PARP8: variants seen among roughly 807,000 people sequenced by gnomAD.
PARP8 encodes the protein poly(ADP-ribose) polymerase family member 8, also known as protein mono-ADP-ribosyltransferase PARP8.
PARP8 carries 51 observed loss-of-function variants against 124.1 expected under a neutral mutation model. That is an observed-to-expected ratio of 0.41 (90% confidence interval 0.33 to 0.52). PARP8 has a LOEUF of 0.52. PARP8 is among the 20% of genes least tolerant of loss of function. The probability of loss-of-function intolerance (pLI) is 0.21; values close to 1 mark genes in which losing one functional copy is unlikely to be tolerated. For synonymous variants in PARP8, 391 were observed against 361.5 expected (o/e 1.08, Z -0.93); for missense variants, 860 against 1,018.9 (o/e 0.84, Z 2.12).
At chr5:50,711,191 G>A (rs926214673) in intron 2 of PARP8, among the ~76,000 whole-genome samples, 5 of 152,146 alleles carry the variant, frequency 3.3e-5, no homozygotes, top group Non-Finnish European at 4.4e-5. Context: ...CAATTGTAGA[G>A]CTAAGTCTTC....
chr5:50,698,303 A>G (rs898077258), intron 2 of PARP8, among the ~76,000 whole-genome samples: 5 of 152,240 alleles, frequency 3.3e-5, no homozygotes, highest in African/African-American at 1.2e-4. Context: ...GATGAATTCA[A>G]CATGACCTTT....
intron 2 of PARP8, among the ~76,000 whole-genome samples, chr5:50,675,928 T>C (rs1263733932): frequency 6.6e-6 from 1 of 152,234 alleles, no homozygotes; most frequent in African/African-American, 2.4e-5. Context: ...ATAGTAAATA[T>C]TTCTAGTTTC....
chr5:50,778,624 C>G lies in PARP8; in HGVS notation c.644C>G (p.Ser215Ter). Residue 215 changes from serine to a stop codon, truncating the protein, a stop_gained, in exon 9 of 26, where the codon TCA becomes TGA. Coordinates refer to ENST00000281631, the MANE Select transcript of PARP8 (RefSeq NM_024615.4). LOFTEE classifies it high-confidence loss of function. ...CCTATAATTGTTCGACTACACTGTT[C>G]ACTTACACAGTATTTAAATGGCCCA... ...TEPIIVRLHCSLTQYLNGPVP... is the reference protein window; with the variant it reads ...TEPIIVRLHC 2 of 1,605,204 alleles carry G rather than the reference C, an allele frequency of 1.2e-6. No homozygotes were observed. The highest frequency in any genetic ancestry group is 1.7e-6 in the Non-Finnish European group (2 of 1,176,200).
chr5:50,775,459 G>A (rs1267247689), intron 7 of PARP8, among the ~76,000 whole-genome samples: 1 of 152,128 alleles, frequency 6.6e-6, no homozygotes, highest in Non-Finnish European at 1.5e-5. Context: ...GCAGGCTGAG[G>A]CAGGAGAATC....
chr5:50,778,461 A>G (rs551848222), intron 8 of PARP8, 99 bp from the exon 9 acceptor site: 2 of 952,016 alleles, frequency 2.1e-6, no homozygotes, highest in Non-Finnish European at 3.2e-6. Context: ...TTCATGTTAT[A>G]TGCATTTTGC....
chr5:50,832,740 A>C (rs1199378770), intron 22 of PARP8, 41 bp from the exon 23 acceptor site: 3 of 1,595,420 alleles, frequency 1.9e-6, no homozygotes, highest in Admixed American at 3.3e-5. Flanking sequence ...GCTGCATCAG[A>C]CAGCTTTGTC....
At chr5:50,826,378 A>G (rs927076200) in intron 18 of PARP8, among the ~76,000 whole-genome samples, 1 of 152,152 alleles carries the variant, frequency 6.6e-6, no homozygotes, top group African/African-American at 2.4e-5. Flanking sequence ...AAGCAATGTA[A>G]GAGAGGAATA....
chr5:50,835,020 G>C lies in PARP8; in HGVS notation c.2462+5G>C. On this transcript the variant is annotated splice_donor_5th_base_variant and intron_variant, in intron 25 of 25. Transcript: ENST00000281631. Reference sequence around the variant, plus strand: ...CTGCACACGATTCTTTTTCGTGTAAGTGGAAATGCTCAAATTTGTATATTA... The same window carrying C: ...CTGCACACGATTCTTTTTCGTGTAACTGGAAATGCTCAAATTTGTATATTA... The C allele has an allele frequency of 6.2e-7, 1 of 1,609,818 alleles. No homozygotes were observed. Among genetic ancestry groups the C allele is most frequent in the South Asian group, 1.1e-5 (1 of 90,714 alleles).
chr5:50,736,100 AAC>A (rs1186989879), intron 2 of PARP8, among the ~76,000 whole-genome samples: 1 of 152,076 alleles, frequency 6.6e-6, no homozygotes, highest in Non-Finnish European at 1.5e-5. Flanking sequence ...AGAGAAGGCA[AAC>A]ACCATCAACA....
chr5:50,708,961 T>G (rs934479291), intron 2 of PARP8, among the ~76,000 whole-genome samples: 1 of 106,590 alleles, frequency 9.4e-6, no homozygotes, highest in African/African-American at 2.7e-5. Context: ...TTTTATTTGT[T>G]ATTTTGTAGA....
chr5:50,814,139 A>G (rs1210676285), intron 14 of PARP8, among the ~76,000 whole-genome samples: 1 of 152,146 alleles, frequency 6.6e-6, no homozygotes, highest in African/African-American at 2.4e-5. Flanking sequence ...TTGAAGCACC[A>G]GAATAGCATT....
chr5:50,670,047 T>A (rs965457452), intron 2 of PARP8, among the ~76,000 whole-genome samples: 1 of 152,240 alleles, frequency 6.6e-6, no homozygotes, highest in Non-Finnish European at 1.5e-5. Flanking sequence ...CCCTTTATGA[T>A]TTGTACCTAA....
intron 2 of PARP8, among the ~76,000 whole-genome samples, chr5:50,689,483 C>G (rs977146542): frequency 9.2e-5 from 14 of 152,312 alleles, no homozygotes; most frequent in Admixed American, 8.5e-4. Context: ...AACACTCCCT[C>G]TTTAATCTCC....
intron 24 of PARP8, 138 bp downstream of exon 24, chr5:50,834,186 G>A: frequency 1.2e-5 from 8 of 655,934 alleles, no homozygotes; most frequent in Middle Eastern, 4.6e-4. Context: ...GGGCACAAAT[G>A]CAAAAACGGG....
chr5:50,807,825 G>A (rs1447318252), intron 14 of PARP8, among the ~76,000 whole-genome samples: 1 of 152,012 alleles, frequency 6.6e-6, no homozygotes, highest in Non-Finnish European at 1.5e-5. Flanking sequence ...TGTGATATGA[G>A]AATTATGATC....
chr5:50,837,177 T>A (rs1457735583), intron 25 of PARP8, among the ~76,000 whole-genome samples: 1 of 152,116 alleles, frequency 6.6e-6, no homozygotes, highest in Admixed American at 6.6e-5. Flanking sequence ...TCCTAAATAA[T>A]ACAAGGAAAA....
chr5:50,760,251 C>G, intron 4 of PARP8, 41 bp from the exon 5 acceptor site: 4 of 1,397,908 alleles, frequency 2.9e-6, no homozygotes, highest in Non-Finnish European at 2.9e-6. Flanking sequence ...AAATAGCATA[C>G]TAAGTATCAT....
At chr5:50,726,495 C>T (rs1756444455) in intron 2 of PARP8, among the ~76,000 whole-genome samples, 1 of 152,140 alleles carries the variant, frequency 6.6e-6, no homozygotes, top group Admixed American at 6.6e-5. Flanking sequence ...ACATGATTAG[C>T]ATCACTAACC....
chr5:50,757,947 CT>C (rs1423919992), intron 3 of PARP8, among the ~76,000 whole-genome samples: 2 of 152,036 alleles, frequency 1.3e-5, no homozygotes, highest in African/African-American at 2.4e-5. Flanking sequence ...TTCTAATACT[CT>C]TTTTCTCCTA....
Sources: allele counts gnomAD v4.1 joint callset (sites outside exome capture counted in the v4.1 genomes callset), GRCh38; gene constraint gnomAD v4.1.1; transcripts MANE v1.5; gene names NCBI Gene and HGNC (gene_info 2026-07-23, HGNC 2026-07-21).